Variants in LSAMP observed in about 807,000 individuals in gnomAD.
LSAMP encodes limbic system associated membrane protein, also known as limbic system-associated membrane protein.
Under a neutral mutation model 38.6 loss-of-function variants are expected in LSAMP, and 7 were observed. The observed-to-expected ratio is 0.18, with a 90% CI of 0.10 to 0.34. LSAMP has a LOEUF of 0.34. Among genes scored for constraint, LSAMP ranks in the 10% least tolerant of loss-of-function variants. LSAMP has a pLI of 1.00. For missense variants in LSAMP, 313 were observed against 420.0 expected, an observed-to-expected ratio of 0.75 and a Z score of 2.23; for synonymous variants, 154 against 166.8, an observed-to-expected ratio of 0.92 and a Z score of 0.59.
At chr3:115,933,810 C>G (rs554416013) in intron 3 of LSAMP, among the ~76,000 whole-genome samples, 2 of 152,300 alleles carry the variant, frequency 1.3e-5, no homozygotes, top group East Asian at 3.9e-4. Flanking sequence ...GTCAAAGCTG[C>G]AGTGCCCTCC....
rs115713688 is a variant in LSAMP, at chr3:116,356,615, A to G, written c.155+88262T>C. Among the ~76,000 whole-genome samples, 413 of 152,368 alleles carry G rather than the reference A, an allele frequency of 2.7e-3. 2 individuals carry two copies. Among genetic ancestry groups the G allele is most frequent in the African/African-American group, 9.4e-3 (393 of 41,594 alleles). ...GGAATGTTTGTGACACAAAGAAATG[A>G]TGAATGCTTAAGGTGATAGAAAACA... On this transcript the variant is annotated intron_variant, in intron 1 of 6. Transcript: ENST00000490035.
At chr3:116,271,229 A>G (rs569480836) in intron 1 of LSAMP, among the ~76,000 whole-genome samples, 4 of 152,060 alleles carry the variant, frequency 2.6e-5, no homozygotes, top group Non-Finnish European at 5.9e-5. Context: ...CCATTACTGT[A>G]ATACTTTTTT....
intron 1 of LSAMP, among the ~76,000 whole-genome samples, chr3:116,389,219 A>T (rs2048663044): frequency 6.6e-6 from 1 of 152,178 alleles, no homozygotes. Flanking sequence ...AGAGGAAAAA[A>T]TGCAAACACA....
intron 1 of LSAMP, among the ~76,000 whole-genome samples, chr3:116,381,262 A>G (rs1264269974): frequency 6.6e-6 from 1 of 152,102 alleles, no homozygotes; most frequent in Non-Finnish European, 1.5e-5. Flanking sequence ...AGACTGTCCA[A>G]TGAAAAAGTT....
chr3:116,298,830 G>A (rs892803395), intron 1 of LSAMP, among the ~76,000 whole-genome samples: 15 of 152,018 alleles, frequency 9.9e-5, no homozygotes, highest in African/African-American at 3.6e-4. Context: ...TAGAGTTTCT[G>A]CTTCTGTGCC....
intron 1 of LSAMP, among the ~76,000 whole-genome samples, chr3:116,128,162 A>G (rs1709049069): frequency 6.6e-6 from 1 of 152,236 alleles, no homozygotes; most frequent in Non-Finnish European, 1.5e-5. Context: ...GCCTGGAAAT[A>G]CTGGTGGTAA....
chr3:116,104,241 G>T (rs1708412278), intron 1 of LSAMP, among the ~76,000 whole-genome samples: 1 of 152,144 alleles, frequency 6.6e-6, no homozygotes, highest in Admixed American at 6.5e-5. Flanking sequence ...AAAATGGTAA[G>T]AGGAACATAA....
intron 2 of LSAMP, among the ~76,000 whole-genome samples, chr3:116,065,020 A>G (rs923934957): frequency 1.8e-4 from 27 of 152,240 alleles, no homozygotes; most frequent in Non-Finnish European, 2.9e-4. Flanking sequence ...TTTACCATGT[A>G]TGAATTGATT....
At chr3:115,869,335 C>T (rs570647200) in intron 3 of LSAMP, among the ~76,000 whole-genome samples, 53 of 140,190 alleles carry the variant, frequency 3.8e-4, no homozygotes, top group African/African-American at 1.3e-3. Context: ...CCTACAAATA[C>T]AAAAAGAATG....
intron 3 of LSAMP, among the ~76,000 whole-genome samples, chr3:115,981,487 A>AT (rs1476307260): frequency 6.6e-6 from 1 of 151,776 alleles, no homozygotes; most frequent in African/African-American, 2.4e-5. Context: ...TTAACCTTGT[A>AT]TTTTTTATAG....
At chr3:116,427,148 C>G (rs1368180723) in intron 1 of LSAMP, among the ~76,000 whole-genome samples, 3 of 120,708 alleles carry the variant, frequency 2.5e-5, no homozygotes, top group Non-Finnish European at 4.8e-5. Flanking sequence ...GAGTCTCGCT[C>G]TGTCGCCCAG....
chr3:116,393,725 A>G (rs2048732464), intron 1 of LSAMP, among the ~76,000 whole-genome samples: 1 of 152,210 alleles, frequency 6.6e-6, no homozygotes, highest in Admixed American at 6.5e-5. Context: ...TGTCCAATCT[A>G]TGATATCCTT....
chr3:116,105,203 G>A (rs984752406), intron 1 of LSAMP, among the ~76,000 whole-genome samples: 1 of 151,852 alleles, frequency 6.6e-6, no homozygotes, highest in African/African-American at 2.4e-5. Flanking sequence ...GCCACAGCTG[G>A]TGATATACAG....
At chr3:115,926,782 G>T (rs1364277045) in intron 3 of LSAMP, among the ~76,000 whole-genome samples, 1 of 152,090 alleles carries the variant, frequency 6.6e-6, no homozygotes. Flanking sequence ...TATTCCCCAG[G>T]CTTCTGAAAG....
intron 1 of LSAMP, among the ~76,000 whole-genome samples, chr3:116,374,089 G>T (rs745410930): frequency 6.6e-6 from 1 of 151,796 alleles, no homozygotes; most frequent in African/African-American, 2.4e-5. Context: ...AAAAGAAAAC[G>T]CCATCTATAT....
intron 3 of LSAMP, among the ~76,000 whole-genome samples, chr3:115,875,854 T>G (rs4146806): frequency 0.088 from 13,426 of 152,140 alleles, 647 homozygotes; most frequent in South Asian, 0.15. Context: ...AATGTGATCC[T>G]GAATGAGCTC....
At chr3:116,144,183 T>C (rs960109098) in intron 1 of LSAMP, among the ~76,000 whole-genome samples, 14 of 152,060 alleles carry the variant, frequency 9.2e-5, no homozygotes, top group African/African-American at 3.1e-4. Flanking sequence ...TATTTTCCAA[T>C]TGCTTTGTGC....
intron 3 of LSAMP, among the ~76,000 whole-genome samples, chr3:115,924,404 G>A (rs1477664767): frequency 6.6e-6 from 1 of 152,060 alleles, no homozygotes; most frequent in African/African-American, 2.4e-5. Context: ...ATTGCCAATG[G>A]ACTTATTTTA....
intron 1 of LSAMP, among the ~76,000 whole-genome samples, chr3:116,226,656 C>T (rs1468558492): frequency 1.3e-5 from 2 of 152,222 alleles, no homozygotes; most frequent in Admixed American, 6.5e-5. Context: ...GGTAGTTGAA[C>T]CCCTTCAAGG....
Sources: gnomAD v4.1 joint callset for allele counts (sites outside exome capture counted in the v4.1 genomes callset) on GRCh38, gnomAD v4.1.1 for gene constraint, MANE v1.5 for transcripts, NCBI Gene and HGNC (gene_info 2026-07-23, HGNC 2026-07-21) for gene names.